CELF6: variants seen among roughly 807,000 people sequenced by gnomAD.
CELF6 encodes Bruno -like 6, RNA binding protein.
In CELF6, 32 loss-of-function variants were observed where a neutral mutation model predicts 53.1. The observed-to-expected ratio is 0.60, with a 90% CI of 0.46 to 0.81. The LOEUF (loss-of-function observed/expected upper bound fraction) is 0.81, where lower values mean the gene tolerates loss of function less well. Ranked by LOEUF, CELF6 falls within the 30% of genes least tolerant of loss-of-function variation. CELF6 has a pLI of 0.00. For synonymous variants in CELF6, 291 were observed against 288.8 expected (o/e 1.01, Z -0.08); for missense variants, 539 against 669.5 (o/e 0.81, Z 2.15).
chr15:72,313,931 AC>A (rs2088330679), intron 2 of CELF6, among the ~76,000 whole-genome samples: 2 of 152,202 alleles, frequency 1.3e-5, no homozygotes, highest in Non-Finnish European at 2.9e-5. Context: ...TCATTTAACC[AC>A]GACAACAACC....
intron 2 of CELF6, among the ~76,000 whole-genome samples, chr15:72,310,287 C>G (rs2959922): frequency 0.19 from 29,135 of 152,066 alleles, 7,391 homozygotes; most frequent in African/African-American, 0.58. Flanking sequence ...ACCAAACTTT[C>G]TAATTTTTAG....
At position 72,319,579 on chromosome 15, in the gene CELF6, T is replaced by C. The variant is rs918381213; in HGVS notation, c.262+34A>G. On this transcript the variant is annotated intron_variant, in intron 1 of 12. Transcript: ENST00000287202. The surrounding 1 kb of genome is among the most constrained non-coding windows in gnomAD (Gnocchi z 5.0). ...GGGTCGGGCCACACTCTAATCGGAT[T>C]GGGGCTGGGCTGGGCTGGGCTGACC... The C allele has an allele frequency of 7.7e-7, 1 of 1,303,650 alleles. No individual in the cohort carries two copies. Among genetic ancestry groups the C allele is most frequent in the African/African-American group, 1.8e-5 (1 of 56,784 alleles). The allele number at this position is 1,303,650 out of a possible 1,614,324, so 80.8% of individuals were successfully genotyped here. A position where few individuals can be genotyped will look rare whatever the true frequency, so the allele number is the denominator to read the frequency against.
chr15:72,302,658 G>A lies in CELF6; in HGVS notation c.394+2088C>T, dbSNP rs118159190. Among the ~76,000 whole-genome samples, 52 of 152,300 alleles carry A rather than the reference G, an allele frequency of 3.4e-4. No individual in the cohort carries two copies. The East Asian group carries it at 9.9e-3, about 29-fold the overall frequency. On this transcript the variant is annotated intron_variant, in intron 3 of 12. Transcript: ENST00000287202. ...GCGGCTGCCCAAACACTGACAAGAT[G>A]TAGTGGACTCCATACAGCAGGAGTG...
chr15:72,292,082 G>T, intron 3 of CELF6: 3 of 656,974 alleles, frequency 4.6e-6, no homozygotes, highest in Non-Finnish European at 7.7e-6. Context: ...AAATGTAAGA[G>T]AAAAATAGAA....
At position 72,288,756 on chromosome 15, in the gene CELF6, G is replaced by A; in HGVS notation, c.1093+112C>T. 2.3e-6 allele frequency: 3 copies of A among 1,331,444 alleles called. No individual in the cohort carries two copies. Among genetic ancestry groups the A allele is most frequent in the Non-Finnish European group, 2.1e-6 (2 of 945,540 alleles). The allele number at this position is 1,331,444 out of a possible 1,614,324, so 82.5% of individuals were successfully genotyped here. ...CCAAGAGAGGTCGTTCTGGGGGTAGGAGGGGATGGGAGGATCAACTCCTTG... is the reference window on the plus strand; with the variant it reads ...CCAAGAGAGGTCGTTCTGGGGGTAGAAGGGGATGGGAGGATCAACTCCTTG... On this transcript the variant is annotated intron_variant, in intron 9 of 12. Coordinates refer to ENST00000287202, the MANE Select transcript of CELF6 (RefSeq NM_052840.5). The surrounding 1 kb of genome is among the most constrained non-coding windows in gnomAD (Gnocchi z 4.6).
At chr15:72,306,221 C>T (rs2088228351) in intron 2 of CELF6, 1 of 982,358 alleles carries the variant, frequency 1.0e-6, no homozygotes. Flanking sequence ...GAGCTGGGTG[C>T]GTGGGAGGTG....
At chr15:72,294,171 G>A (rs1446939853) in intron 3 of CELF6, among the ~76,000 whole-genome samples, 1 of 152,300 alleles carries the variant, frequency 6.6e-6, no homozygotes, top group East Asian at 1.9e-4. Context: ...AAGGGCACCA[G>A]GATGCTGTTC....
At position 72,289,148 on chromosome 15, in the gene CELF6, G is replaced by T. The variant is rs770166739; in HGVS notation, c.1020C>A (p.Ser340=). The T allele has an allele frequency of 1.9e-6, 3 of 1,539,562 alleles. No homozygotes were observed. Among genetic ancestry groups the T allele is most frequent in the Non-Finnish European group, 2.6e-6 (3 of 1,152,004 alleles). Residue 340 remains serine, a synonymous_variant, in exon 8 of 13, where the codon TCC becomes TCA. Transcript: ENST00000287202. The surrounding 1 kb of genome is among the most constrained non-coding windows in gnomAD (Gnocchi z 7.6). ...GSDTLYNNGL[S]PYPAQSPGVA... ...GAGCGGGGGGCCCACCTGGATAAGG[G>T]GAGAGCCCGTTATTGTAGAGCGTGT...
intron 1 of CELF6, among the ~76,000 whole-genome samples, chr15:72,318,296 A>G (rs961074404): frequency 3.9e-5 from 6 of 152,194 alleles, no homozygotes; most frequent in African/African-American, 1.4e-4. Context: ...AAGTGCCTAC[A>G]TTAGTGTGCC....
rs554776702 is a variant in CELF6 at position 72,306,055 on chromosome 15, C to T, written c.346-1261G>A. On this transcript the variant is annotated intron_variant, in intron 2 of 12. Coordinates refer to ENST00000287202, the MANE Select transcript of CELF6 (RefSeq NM_052840.5). ...GTTGGGGTATTGCATAATTTGAAAA[C>T]GCTCCTAGGTGATTTCAATATATCG... 5.0e-5 allele frequency: 49 copies of T among 983,906 alleles called. No individual in the cohort carries two copies. The Middle Eastern group carries it at 3.1e-3, about 63-fold the overall frequency. 60.9% of individuals were successfully genotyped at this position (983,906 alleles called of 1,614,324 possible). A position where few individuals can be genotyped will look rare whatever the true frequency, so the allele number is the denominator to read the frequency against.
At chr15:72,309,978 G>A (rs1453272441) in intron 2 of CELF6, among the ~76,000 whole-genome samples, 1 of 152,178 alleles carries the variant, frequency 6.6e-6, no homozygotes. Flanking sequence ...GAGTGGGAAA[G>A]GTCAGAGGCC....
intron 2 of CELF6, among the ~76,000 whole-genome samples, chr15:72,306,872 GAC>G (rs1202064724): frequency 6.6e-6 from 1 of 152,176 alleles, no homozygotes; most frequent in Non-Finnish European, 1.5e-5. Context: ...GGAGAGCAGA[GAC>G]ACAGGGAGAG....
At chr15:72,308,488 A>C (rs2088258338) in intron 2 of CELF6, among the ~76,000 whole-genome samples, 1 of 152,176 alleles carries the variant, frequency 6.6e-6, no homozygotes. Context: ...CGGCCTCCCA[A>C]AGTGCTGGGA....
chr15:72,291,444 A>G (rs903357135), intron 3 of CELF6, among the ~76,000 whole-genome samples: 2 of 152,202 alleles, frequency 1.3e-5, no homozygotes, highest in East Asian at 1.9e-4. Flanking sequence ...AACTGGTTTC[A>G]GGCTTCATCT....
intron 2 of CELF6, chr15:72,306,056 G>T: frequency 2.0e-6 from 2 of 983,268 alleles, no homozygotes; most frequent in Non-Finnish European, 2.4e-6. Flanking sequence ...ATTTGAAAAC[G>T]CTCCTAGGTG....
chr15:72,311,759 G>T (rs911886499), intron 2 of CELF6, among the ~76,000 whole-genome samples: 11 of 152,196 alleles, frequency 7.2e-5, no homozygotes, highest in Non-Finnish European at 1.3e-4. Context: ...CATTCATGAA[G>T]TGGTTGCTAG....
In CELF6 at chr15:72,288,412, T is replaced by C; in HGVS notation, c.1214A>G (p.Gln405Arg). The C allele has an allele frequency of 6.2e-7, 1 of 1,614,128 alleles. No homozygotes were observed. Among genetic ancestry groups the C allele is most frequent in the African/African-American group, 1.3e-5 (1 of 75,054 alleles). ...GCNLFIYHLP[Q>R]EFGDAELIQT... ...TATGAGTTCCGCATCACCAAACTCC[T>C]GAGGCAGGTGATAGATGAAGAGGTT... Residue 405 changes from glutamine (Q) to arginine (R), a missense_variant, in exon 11 of 13, where the codon CAG becomes CGG. Gln to Arg is a conservative substitution (Grantham distance 43, BLOSUM62 1). Transcript: ENST00000287202. The surrounding 1 kb of genome is among the most constrained non-coding windows in gnomAD (Gnocchi z 4.6).
chr15:72,287,346 C>A lies in CELF6; in HGVS notation c.1365G>T (p.Gln455His). 6.2e-7 allele frequency: 1 copy of A among 1,614,126 alleles called. No individual in the cohort carries two copies. The highest frequency in any genetic ancestry group is 1.1e-5 in the South Asian group (1 of 91,086). The change falls in exon 12 of 13, where the codon CAG becomes CAT. Residue 455 changes from glutamine to histidine, a missense_variant. Gln to His is a conservative substitution (Grantham distance 24). Around this residue, in one of 3 missense-constraint regions of CELF6, gnomAD observed 358 missense variants for 412.8 expected, o/e 0.87. Coordinates refer to ENST00000287202, the MANE Select transcript of CELF6 (RefSeq NM_052840.5). Reference protein sequence around the residue: ...DNPTSAQTAIQAMNGFQIGMK... With the variant: ...DNPTSAQTAIHAMNGFQIGMK... ...TGCCAATTTGAAAGCCATTCATCGC[C>A]TGAATAGCAGTCTGGGCACTAGTTG...
At chr15:72,317,889 T>G (rs535763255) in intron 1 of CELF6, among the ~76,000 whole-genome samples, 1 of 151,818 alleles carries the variant, frequency 6.6e-6, no homozygotes, top group African/African-American at 2.4e-5. Context: ...GGTGGAAGAA[T>G]GAAGGGAAGA....
Sources: allele counts gnomAD v4.1 joint callset (sites outside exome capture counted in the v4.1 genomes callset), GRCh38; gene constraint gnomAD v4.1.1; regional missense constraint gnomAD v4.1.1; non-coding constraint Gnocchi (gnomAD v3.1); transcripts MANE v1.5; gene names NCBI Gene and HGNC (gene_info 2026-07-23, HGNC 2026-07-21).